PIWIL4: variants seen among roughly 807,000 people sequenced by gnomAD.
The protein encoded by PIWIL4 is piwi like RNA-mediated gene silencing 4, also known as piwi-like protein 4.
A neutral mutation model predicts 100.9 loss-of-function variants in PIWIL4; 50 were observed. The observed-to-expected ratio is 0.50, with a 90% CI of 0.39 to 0.63. The LOEUF is 0.63. Ranked by LOEUF, PIWIL4 falls within the 20% of genes least tolerant of loss-of-function variation. The pLI is 0.00. For missense variants in PIWIL4, 887 were observed against 1,043.3 expected (o/e 0.85, Z 2.06); for synonymous variants, 342 against 367.5 (o/e 0.93, Z 0.79).
At chr11:94,595,044 A>G (rs1387218762) in intron 9 of PIWIL4, among the ~76,000 whole-genome samples, 1 of 152,252 alleles carries the variant, frequency 6.6e-6, no homozygotes, top group Non-Finnish European at 1.5e-5. Context: ...TAAATGTTTT[A>G]TGTTGATTGC....
chr11:94,584,475 G>C (rs755714365), intron 5 of PIWIL4, among the ~76,000 whole-genome samples: 3 of 152,206 alleles, frequency 2.0e-5, no homozygotes, highest in Non-Finnish European at 2.9e-5. Context: ...CTCTTCAGAA[G>C]CCAGTCTTGC....
chr11:94,619,943 T>A (rs528604931), intron 18 of PIWIL4, 54 bp from the exon 19 acceptor site: 1 of 1,614,146 alleles, frequency 6.2e-7, no homozygotes, highest in South Asian at 1.1e-5. Flanking sequence ...CAGTTTATGT[T>A]TGACCTTATT....
Position 94,593,671 on chromosome 11 carries a change from G to A in PIWIL4, c.1150+30G>A, listed in dbSNP as rs766933935. The A allele has an allele frequency of 8.7e-6, 14 of 1,609,332 alleles. 1 individual carries two copies. The South Asian group carries it at 1.3e-4, about 15-fold the overall frequency. On this transcript the variant is annotated intron_variant, in intron 9 of 19. Coordinates refer to ENST00000299001, the MANE Select transcript of PIWIL4 (RefSeq NM_152431.3). Reference sequence around the variant, plus strand: ...TGTTTGTGTTTTATACCTCTGTCAGGCTCCTGGATACAGGCCCCTGATGCT... The same window carrying A: ...TGTTTGTGTTTTATACCTCTGTCAGACTCCTGGATACAGGCCCCTGATGCT...
At chr11:94,582,443 G>A (rs1405210705) in intron 4 of PIWIL4, among the ~76,000 whole-genome samples, 4 of 152,164 alleles carry the variant, frequency 2.6e-5, no homozygotes, top group Non-Finnish European at 5.9e-5. Flanking sequence ...GCAGTGACTG[G>A]TTCCTGCCTT....
In PIWIL4 at chr11:94,593,578, A is replaced by G; in HGVS notation, c.1087A>G (p.Lys363Glu). 1 of 1,614,042 alleles carries G rather than the reference A, an allele frequency of 6.2e-7. No homozygotes were observed. Among genetic ancestry groups the G allele is most frequent in the Non-Finnish European group, 8.5e-7 (1 of 1,179,922 alleles). ...CATGCTTGTTAGTCTGTTAAAGAAG[A>G]AGAGAAATGACAACAGTGAGGCTCA... Reference protein sequence around the residue: ...QPMLVSLLKKKRNDNSEAQLA... With the variant: ...QPMLVSLLKKERNDNSEAQLA... Residue 363 changes from lysine (K) to glutamate (E), a missense_variant, in exon 9 of 20, where the codon AAG becomes GAG. Transcript: ENST00000299001.
At chr11:94,568,584 C>A in intron 1 of PIWIL4, 146 bp from the exon 2 acceptor site, 2 of 576,320 alleles carry the variant, frequency 3.5e-6, no homozygotes, top group South Asian at 2.3e-5. Flanking sequence ...TGGGCACTCT[C>A]TTCTCATCTC....
chr11:94,572,606 TGG>T (rs1948173105), intron 2 of PIWIL4, among the ~76,000 whole-genome samples: 1 of 152,198 alleles, frequency 6.6e-6, no homozygotes, highest in African/African-American at 2.4e-5. Flanking sequence ...TGTAGATGTG[TGG>T]TGTTATTTCT....
At chr11:94,605,571 TATAA>T (rs950361828) in intron 13 of PIWIL4, among the ~76,000 whole-genome samples, 9 of 152,072 alleles carry the variant, frequency 5.9e-5, no homozygotes, top group Non-Finnish European at 8.8e-5. Context: ...TTTGAGACTA[TATAA>T]ATAATCCTGT....
intron 9 of PIWIL4, 129 bp from the exon 10 acceptor site, chr11:94,595,180 G>T (rs1053406219): frequency 4.5e-6 from 3 of 673,938 alleles, no homozygotes; most frequent in Non-Finnish European, 7.5e-6. Flanking sequence ...GACATACGTG[G>T]TTTTCATTTC....
intron 4 of PIWIL4, 22 bp from the exon 5 acceptor site, chr11:94,583,426 A>G: frequency 6.2e-7 from 1 of 1,612,354 alleles, no homozygotes; most frequent in Non-Finnish European, 8.5e-7. Context: ...TAGGGTGCAT[A>G]TTAAGTACCT....
At chr11:94,583,421 T>A (rs891643742) in intron 4 of PIWIL4, 27 bp from the exon 5 acceptor site, 11 of 1,611,170 alleles carry the variant, frequency 6.8e-6, no homozygotes, top group African/African-American at 2.7e-5. Flanking sequence ...ATTTGTAGGG[T>A]GCATATTAAG....
At chr11:94,619,130 T>C (rs1477640968) in intron 17 of PIWIL4, among the ~76,000 whole-genome samples, 1 of 152,216 alleles carries the variant, frequency 6.6e-6, no homozygotes, top group Non-Finnish European at 1.5e-5. Flanking sequence ...AAAATAATTA[T>C]AATGCTTAAA....
rs1294215500 is a variant in PIWIL4, at chr11:94,572,291, C to A, written c.167-2708C>A. Among the ~76,000 whole-genome samples the A allele has an allele frequency of 3.9e-5, 6 of 152,210 alleles. No homozygotes were observed. The East Asian group carries it at 5.8e-4, about 15-fold the overall frequency. ...TTGCTGTGCAGAAGCTCTTTAGTTT[C>A]ATTAGATCCCATTTGTCAATTTTGG... On this transcript the variant is annotated intron_variant, in intron 2 of 19. Transcript: ENST00000299001.
intron 12 of PIWIL4, among the ~76,000 whole-genome samples, chr11:94,602,646 A>G (rs542041762): frequency 6.6e-6 from 1 of 152,272 alleles, no homozygotes; most frequent in African/African-American, 2.4e-5. Context: ...TAGAAAAGCC[A>G]TAAAGTTGGT....
At chr11:94,583,327 A>C in intron 4 of PIWIL4, 121 bp from the exon 5 acceptor site, 1 of 1,095,960 alleles carries the variant, frequency 9.1e-7, no homozygotes, top group Non-Finnish European at 1.3e-6. Flanking sequence ...ATTATTACTC[A>C]TACTAACACC....
intron 15 of PIWIL4, 23 bp downstream of exon 15, chr11:94,608,709 A>T: frequency 5.1e-6 from 8 of 1,575,096 alleles, no homozygotes; most frequent in Non-Finnish European, 7.0e-6. Flanking sequence ...CTACCTGAAC[A>T]CATGCTTCAT....
At chr11:94,603,324 C>T (rs1035305654) in intron 12 of PIWIL4, among the ~76,000 whole-genome samples, 2 of 152,134 alleles carry the variant, frequency 1.3e-5, no homozygotes, top group Non-Finnish European at 2.9e-5. Context: ...CTTATATACA[C>T]ATAAAAGAGG....
In PIWIL4 at chr11:94,619,782, G is replaced by A. The variant is rs1948886524; in HGVS notation, c.2191G>A (p.Val731Ile). 3.1e-6 allele frequency: 5 copies of A among 1,613,934 alleles called. No homozygotes were observed. The African/African-American group carries it at 4.0e-5, about 13-fold the overall frequency. Residue 731 changes from valine to isoleucine, a missense_variant, in exon 18 of 20, where the codon GTC becomes ATC. Around this residue, in one of 2 missense-constraint regions of PIWIL4, gnomAD observed 741 missense variants for 930.0 expected, o/e 0.80. Transcript: ENST00000299001. Reference protein sequence around the residue: ...NTSSRLSVIVVRKKCMPRFFT... With the variant: ...NTSSRLSVIVIRKKCMPRFFT... ...TAGCTCAAGACTGTCGGTGATTGTG[G>A]TCAGGAAGAAGTGCATGCCACGATT...
rs537312924 is a variant in PIWIL4 at position 94,603,991 on chromosome 11, G to C, written c.1573G>C (p.Val525Leu). The C allele has an allele frequency of 1.1e-5, 17 of 1,600,916 alleles. No individual in the cohort carries two copies. The South Asian group carries it at 1.9e-4, about 18-fold the overall frequency. The change falls in exon 13 of 20, where the codon GTA (valine) becomes CTA (leucine). Residue 525 changes from valine (V) to leucine (L), a missense_variant. Val to Leu is a conservative substitution (Grantham distance 32, BLOSUM62 1). Coordinates refer to ENST00000299001, the MANE Select transcript of PIWIL4 (RefSeq NM_152431.3). The part of the protein sequence containing the change: ...FNVDYPKIIK[V>L]QENPAAFVRA... The stretch of plus-strand genomic sequence containing the variant: ...ATTAATCTTTTTATGTAGCATAAAA[G>C]TACAAGAAAATCCAGCTGCATTTGT...
Sources: allele counts gnomAD v4.1 joint callset (sites outside exome capture counted in the v4.1 genomes callset), GRCh38; gene constraint gnomAD v4.1.1; regional missense constraint gnomAD v4.1.1; transcripts MANE v1.5; gene names NCBI Gene and HGNC (gene_info 2026-07-23, HGNC 2026-07-21).